The following CSMD3 variants were observed in gnomAD, a reference collection of about 807,000 sequenced individuals.
The protein encoded by CSMD3 is CUB and sushi domain-containing protein 3.
Under a neutral mutation model 435.2 loss-of-function variants are expected in CSMD3, and 177 were observed. That is an observed-to-expected ratio of 0.41 (90% CI 0.36 to 0.46). The LOEUF is 0.46. Ranked by LOEUF, CSMD3 falls within the 20% of genes least tolerant of loss-of-function variation. CSMD3 has a pLI of 0.34. For synonymous variants in CSMD3, 1,656 were observed against 1,520.5 expected, an observed-to-expected ratio of 1.09 and a Z score of -2.07; for missense variants, 4,265 against 4,504.6, an observed-to-expected ratio of 0.95 and a Z score of 1.52.
At chr8:113,103,328 A>G (rs2090383616) in intron 4 of CSMD3, among the ~76,000 whole-genome samples, 1 of 152,170 alleles carries the variant, frequency 6.6e-6, no homozygotes, top group African/African-American at 2.4e-5. Flanking sequence ...TTGTTCTAGG[A>G]AAAGTATAAA....
At chr8:112,873,094 G>T (rs894048564) in intron 10 of CSMD3, among the ~76,000 whole-genome samples, 1 of 152,022 alleles carries the variant, frequency 6.6e-6, no homozygotes, top group African/African-American at 2.4e-5. Context: ...AACTGAGCCA[G>T]TTCTGATCTG....
intron 45 of CSMD3, among the ~76,000 whole-genome samples, chr8:112,328,792 T>C (rs1306475445): frequency 2.0e-5 from 3 of 152,154 alleles, no homozygotes; most frequent in Non-Finnish European, 2.9e-5. Flanking sequence ...TCACTGTCTC[T>C]CCTGCCAACA....
chr8:112,301,720 G>A (rs2130755308), intron 53 of CSMD3, 73 bp downstream of exon 53: 1 of 1,100,004 alleles, frequency 9.1e-7, no homozygotes, highest in Middle Eastern at 2.0e-4. Flanking sequence ...CTCATATTAG[G>A]GAAAAAGAGA....
chr8:113,345,885 T>C (rs2094147980), intron 1 of CSMD3, among the ~76,000 whole-genome samples: 1 of 151,978 alleles, frequency 6.6e-6, no homozygotes, highest in Non-Finnish European at 1.5e-5. Context: ...CTCCAGAACT[T>C]AGCTGTCCAC....
chr8:112,458,226 CAG>C (rs371786286), intron 32 of CSMD3, among the ~76,000 whole-genome samples: 1 of 151,400 alleles, frequency 6.6e-6, no homozygotes, highest in Non-Finnish European at 1.5e-5. Flanking sequence ...CACACACACA[CAG>C]AGAAACAGAG....
At chr8:112,775,907 A>G (rs1049886756) in intron 13 of CSMD3, among the ~76,000 whole-genome samples, 4 of 151,992 alleles carry the variant, frequency 2.6e-5, no homozygotes, top group Admixed American at 2.6e-4. Flanking sequence ...ATAGAAAGTT[A>G]CCTTTATTTG....
At chr8:113,426,250 G>A (rs1369423587) in intron 1 of CSMD3, among the ~76,000 whole-genome samples, 1 of 151,274 alleles carries the variant, frequency 6.6e-6, no homozygotes, top group South Asian at 2.1e-4. Context: ...TGGATTCAGA[G>A]AAGCCATTTC....
At chr8:113,101,695 T>G (rs1020302812) in intron 4 of CSMD3, among the ~76,000 whole-genome samples, 1 of 152,032 alleles carries the variant, frequency 6.6e-6, no homozygotes, top group South Asian at 2.1e-4. Context: ...AAAACAAGGA[T>G]AGGGACTCAG....
At chr8:112,392,261 A>G (rs1340691668) in intron 35 of CSMD3, among the ~76,000 whole-genome samples, 1 of 149,080 alleles carries the variant, frequency 6.7e-6, no homozygotes, top group African/African-American at 2.5e-5. Context: ...TTAAAAGTGA[A>G]TTACAGTTTT....
intron 3 of CSMD3, among the ~76,000 whole-genome samples, chr8:113,274,635 C>A: frequency 6.6e-6 from 1 of 152,082 alleles, no homozygotes; most frequent in East Asian, 1.9e-4. Flanking sequence ...ACTTTACCTT[C>A]TCCTCTGCAA....
chr8:112,637,129 A>G, intron 21 of CSMD3, 124 bp from the exon 22 acceptor site: 1 of 745,490 alleles, frequency 1.3e-6, no homozygotes, highest in Non-Finnish European at 2.3e-6. Context: ...AAGGGACTAT[A>G]TGAATAGCTA....
chr8:113,318,045 C>A (rs1238585111), intron 1 of CSMD3, among the ~76,000 whole-genome samples: 2 of 152,106 alleles, frequency 1.3e-5, no homozygotes, highest in Admixed American at 6.5e-5. Context: ...CAACTCTGTA[C>A]ATATATCCTT....
chr8:112,387,580 T>C (rs1830086816), intron 36 of CSMD3, among the ~76,000 whole-genome samples: 1 of 152,008 alleles, frequency 6.6e-6, no homozygotes, highest in Admixed American at 6.6e-5. Flanking sequence ...AGGTCCTTGA[T>C]AGTTTTTTTT....
intron 3 of CSMD3, among the ~76,000 whole-genome samples, chr8:113,191,749 A>G (rs941137251): frequency 1.3e-5 from 2 of 151,468 alleles, no homozygotes; most frequent in Non-Finnish European, 3.0e-5. Context: ...TGGTATACTG[A>G]TTTATTTTCC....
chr8:113,131,707 A>T (rs1365988781), intron 4 of CSMD3, among the ~76,000 whole-genome samples: 1 of 152,154 alleles, frequency 6.6e-6, no homozygotes, highest in East Asian at 1.9e-4. Context: ...GAGCTGTGAG[A>T]AAAGGGACAC....
At chr8:113,415,488 C>G (rs577054511) in intron 1 of CSMD3, among the ~76,000 whole-genome samples, 1 of 152,150 alleles carries the variant, frequency 6.6e-6, no homozygotes, top group South Asian at 2.1e-4. Context: ...GTAAAATCTT[C>G]CACGACTATG....
At chr8:112,814,486 C>CA (rs1348281083) in intron 12 of CSMD3, among the ~76,000 whole-genome samples, 3 of 152,092 alleles carry the variant, frequency 2.0e-5, no homozygotes, top group Non-Finnish European at 4.4e-5. Flanking sequence ...CCATTTAATT[C>CA]AAAATGCTCA....
intron 47 of CSMD3, among the ~76,000 whole-genome samples, chr8:112,316,485 T>C (rs1007729540): frequency 6.6e-6 from 1 of 151,904 alleles, no homozygotes; most frequent in Middle Eastern, 3.4e-3. Flanking sequence ...ATGACTGGTA[T>C]GATCCAATAT....
At chr8:112,695,983 T>C (rs908986661) in intron 13 of CSMD3, among the ~76,000 whole-genome samples, 17 of 152,222 alleles carry the variant, frequency 1.1e-4, no homozygotes, top group Admixed American at 2.0e-4. Flanking sequence ...TCACAATTGC[T>C]TCAAAGAGAA....
Sources: gnomAD v4.1 joint callset for allele counts (sites outside exome capture counted in the v4.1 genomes callset) on GRCh38, gnomAD v4.1.1 for gene constraint, MANE v1.5 for transcripts, NCBI Gene and HGNC (gene_info 2026-07-23, HGNC 2026-07-21) for gene names.